Variants in CETP observed in about 807,000 individuals in gnomAD.
The protein encoded by CETP is cholesteryl ester transfer protein.
Under a neutral mutation model 66.5 loss-of-function variants are expected in CETP, and 56 were observed. The observed-to-expected ratio is 0.84, with a 90% CI of 0.68 to 1.05. The LOEUF is 1.05. Ranked by LOEUF, CETP falls within the 50% of genes least tolerant of loss-of-function variation. The probability of loss-of-function intolerance (pLI) is 0.00; values close to 1 mark genes in which losing one functional copy is unlikely to be tolerated. For missense variants in CETP, 612 were observed against 609.6 expected (o/e 1.00, Z -0.04); for synonymous variants, 251 against 245.7 (o/e 1.02, Z -0.20).
chr16:56,968,465 G>A (rs1256179868), intron 2 of CETP, among the ~76,000 whole-genome samples: 1 of 152,142 alleles, frequency 6.6e-6, no homozygotes, highest in African/African-American at 2.4e-5. Flanking sequence ...AGGATTACAG[G>A]TGTGAGCCAC....
intron 2 of CETP, among the ~76,000 whole-genome samples, chr16:56,965,947 C>T (rs1196749384): frequency 6.6e-6 from 1 of 152,206 alleles, no homozygotes; most frequent in East Asian, 1.9e-4. Context: ...AGCTCCACCT[C>T]TGCCCCCGGG....
At chr16:56,973,056 G>A (rs961138797) in intron 8 of CETP, among the ~76,000 whole-genome samples, 1 of 152,222 alleles carries the variant, frequency 6.6e-6, no homozygotes, top group African/African-American at 2.4e-5. Context: ...GTCACCAGCT[G>A]CCCTGACTAA....
chr16:56,962,012 G>T lies in CETP; in HGVS notation c.33G>T (p.Leu11=). MLAATVLTLA[L]LGNAHACSKG... is the part of the protein sequence containing the mutation. ...CTGCCACAGTCCTGACCCTGGCCCT[G>T]CTGGGCAATGCCCATGCCTGCTCCA... The change falls in exon 1 of 16, where the codon CTG becomes CTT. Residue 11 remains leucine (L), a synonymous_variant. Transcript: ENST00000200676. 6.2e-7 allele frequency: 1 copy of T among 1,614,132 alleles called. No homozygotes were observed. Among genetic ancestry groups the T allele is most frequent in the South Asian group, 1.1e-5 (1 of 91,084 alleles).
intron 15 of CETP, 66 bp downstream of exon 15, chr16:56,983,477 G>C: frequency 1.3e-6 from 2 of 1,598,200 alleles, no homozygotes; most frequent in Non-Finnish European, 1.7e-6. Context: ...GGATTCCTGG[G>C]GTGACTGGGG....
Position 56,981,170 on chromosome 16 carries a change from A to G in CETP, c.1159A>G (p.Thr387Ala), listed in dbSNP as rs1474311884. Residue 387 changes from threonine to alanine, a missense_variant, in exon 12 of 16, where the codon ACC (threonine) becomes GCC (alanine). Coordinates refer to ENST00000200676, the MANE Select transcript of CETP (RefSeq NM_000078.3). ...TTTCTCTCCCCAGGATATCGTGACTACCGTCCAGGCCTCCTATTCTAAGAA... is the reference window on the plus strand; with the variant it reads ...TTTCTCTCCCCAGGATATCGTGACTGCCGTCCAGGCCTCCTATTCTAAGAA... ...AYTFEEDIVT[T>A]VQASYSKKKL... is the part of the protein sequence containing the mutation. 2 of 1,613,506 alleles carry G rather than the reference A, an allele frequency of 1.2e-6. No homozygotes were observed. Among genetic ancestry groups the G allele is most frequent in the Non-Finnish European group, 1.7e-6 (2 of 1,179,430 alleles).
chr16:56,969,702 G>T, intron 4 of CETP, 21 bp downstream of exon 4: 1 of 1,612,784 alleles, frequency 6.2e-7, no homozygotes, highest in South Asian at 1.1e-5. Context: ...AGCGTCCTCT[G>T]GGGAAGTGGG....
chr16:56,983,792 C>T lies in CETP; in HGVS notation c.*126C>T. 1.2e-6 allele frequency: 1 copy of T among 850,146 alleles called. No individual in the cohort carries two copies. The highest frequency in any genetic ancestry group is 1.8e-5 in the Admixed American group (1 of 54,500). 52.7% of individuals were successfully genotyped at this position (850,146 alleles called of 1,614,324 possible). A position where few individuals can be genotyped will look rare whatever the true frequency, so the allele number is the denominator to read the frequency against. On this transcript the variant is annotated 3_prime_UTR_variant, in exon 16 of 16. Transcript: ENST00000200676. ...AGGAGTACGGAGATGGAGATTGGCT[C>T]CCAACTCCTCCCTATCCTAAAGGCC... is the stretch of plus-strand genomic sequence containing the variant.
intron 2 of CETP, 65 bp from the exon 3 acceptor site, chr16:56,969,321 G>A (rs2056090560): frequency 1.9e-6 from 3 of 1,609,442 alleles, no homozygotes; most frequent in Non-Finnish European, 2.5e-6. Flanking sequence ...GACAAAATTG[G>A]AGGCTCACTC....
At position 56,972,072 on chromosome 16, in the gene CETP, T is replaced by A. The variant is rs929311574; in HGVS notation, c.739T>A (p.Ser247Thr). Reference protein sequence around the residue: ...DPVITASYLESHHKGHFIYKN... With the variant: ...DPVITASYLETHHKGHFIYKN... ...CGTCATCACAGCCTCCTACCTGGAG[T>A]CCCATCACAAGGTAGGAGTTGTGGG... Residue 247 changes from serine (S) to threonine (T), a missense_variant, in exon 8 of 16, where the codon TCC becomes ACC. By Grantham distance (58) the Ser-to-Thr change is moderately conservative (BLOSUM62 1). Transcript: ENST00000200676. 3.7e-6 allele frequency: 6 copies of A among 1,613,104 alleles called. No individual in the cohort carries two copies. The highest frequency in any genetic ancestry group is 3.4e-6 in the Non-Finnish European group (4 of 1,179,192).
At chr16:56,982,841 G>T (rs1417171288) in intron 14 of CETP, among the ~76,000 whole-genome samples, 1 of 152,132 alleles carries the variant, frequency 6.6e-6, no homozygotes, top group Non-Finnish European at 1.5e-5. Context: ...GGAGAGGAAG[G>T]GCGTGGAAAC....
At chr16:56,983,450 G>A (rs754626182) in intron 15 of CETP, 39 bp downstream of exon 15, 6 of 1,607,906 alleles carry the variant, frequency 3.7e-6, no homozygotes, top group Non-Finnish European at 5.1e-6. Flanking sequence ...CTGTTCCTGG[G>A]GAGAGAGGCC....
intron 2 of CETP, among the ~76,000 whole-genome samples, chr16:56,966,193 G>A (rs1477675173): frequency 6.6e-6 from 1 of 152,198 alleles, no homozygotes; most frequent in African/African-American, 2.4e-5. Flanking sequence ...AGCAGAACCA[G>A]ATTCCTTCTG....
intron 14 of CETP, 121 bp from the exon 15 acceptor site, chr16:56,983,205 G>T (rs150048432): frequency 3.8e-6 from 3 of 790,604 alleles, no homozygotes; most frequent in South Asian, 2.8e-5. Flanking sequence ...AAAGTGAAAC[G>T]CATGTTTACA....
chr16:56,971,144 C>T, intron 6 of CETP, 42 bp downstream of exon 6: 1 of 1,598,822 alleles, frequency 6.3e-7, no homozygotes, highest in Non-Finnish European at 8.6e-7. Context: ...AGGGCCATGC[C>T]CAGGAGGCTG....
At chr16:56,982,464 C>T (rs2056195802) in intron 14 of CETP, among the ~76,000 whole-genome samples, 1 of 152,196 alleles carries the variant, frequency 6.6e-6, no homozygotes, top group African/African-American at 2.4e-5. Context: ...ATCTTTGCCA[C>T]CCCGCGGGAT....
intron 8 of CETP, 81 bp from the exon 9 acceptor site, chr16:56,973,250 G>A (rs2056125599): frequency 6.9e-7 from 1 of 1,443,940 alleles, no homozygotes; most frequent in Non-Finnish European, 9.7e-7. Flanking sequence ...TGAATGCTGG[G>A]GCTCCTCCCA....
chr16:56,970,039 G>A, intron 5 of CETP, 38 bp downstream of exon 5: 1 of 1,589,350 alleles, frequency 6.3e-7, no homozygotes. Flanking sequence ...TCCTGCTCGT[G>A]CCCATCCTGT....
chr16:56,977,438 A>G (rs567823047), intron 10 of CETP, among the ~76,000 whole-genome samples: 61 of 151,950 alleles, frequency 4.0e-4, no homozygotes, highest in Middle Eastern at 3.4e-3. Context: ...CCTCTGCCAG[A>G]ATGGTTTGCC....
chr16:56,978,067 C>T (rs1250235031), intron 10 of CETP, 24 bp from the exon 11 acceptor site: 1 of 1,612,736 alleles, frequency 6.2e-7, no homozygotes, highest in Non-Finnish European at 8.5e-7. Flanking sequence ...CCTGTCCTGG[C>T]CATGGGACCC....
Sources: allele counts gnomAD v4.1 joint callset (sites outside exome capture counted in the v4.1 genomes callset), GRCh38; gene constraint gnomAD v4.1.1; transcripts MANE v1.5; gene names NCBI Gene and HGNC (gene_info 2026-07-23, HGNC 2026-07-21).